COL4A1: variants seen among roughly 807,000 people sequenced by gnomAD.
COL4A1 encodes collagen alpha-1(IV) chain.
COL4A1 carries 40 observed loss-of-function variants against 216.6 expected under a neutral mutation model. The ratio of observed to expected loss-of-function variants is 0.18; its 90% CI spans 0.14 to 0.24. The LOEUF (loss-of-function observed/expected upper bound fraction) is 0.24, where lower values mean the gene tolerates loss of function less well. Ranked by LOEUF, COL4A1 falls within the 10% of genes least tolerant of loss-of-function variation. The pLI is 1.00. For missense variants in COL4A1, 1,628 were observed against 2,196.8 expected, an observed-to-expected ratio of 0.74 and a Z score of 5.18; for synonymous variants, 839 against 810.7, an observed-to-expected ratio of 1.03 and a Z score of -0.59.
chr13:110,255,499 A>G (rs190797215), intron 1 of COL4A1, among the ~76,000 whole-genome samples: 3 of 137,812 alleles, frequency 2.2e-5, no homozygotes, highest in African/African-American at 8.3e-5. Context: ...AGGTTTCCCA[A>G]TGAAAGAACG....
At chr13:110,161,428 T>C (rs1877082831) in intron 48 of COL4A1, 59 bp from the exon 49 acceptor site, 14 of 1,542,380 alleles carry the variant, frequency 9.1e-6, no homozygotes, top group Non-Finnish European at 1.1e-5. Flanking sequence ...TCTATCTCTA[T>C]GTAAAGTGGA....
chr13:110,270,404 T>A (rs913256409), intron 1 of COL4A1, among the ~76,000 whole-genome samples: 1 of 152,252 alleles, frequency 6.6e-6, no homozygotes, highest in Non-Finnish European at 1.5e-5. Flanking sequence ...GCAAGTAATT[T>A]GCCATAAAGG....
chr13:110,165,009 C>T lies in COL4A1; in HGVS notation c.4022-19G>A. On this transcript the variant is annotated intron_variant, in intron 45 of 51. Coordinates refer to ENST00000375820, the MANE Select transcript of COL4A1 (RefSeq NM_001845.6). ...GGGAGACCTGTGGGAATAGGGAAGG[C>T]ATTGATCAATTTCACTGTCCACATA... The T allele has an allele frequency of 6.3e-7, 1 of 1,599,822 alleles. No individual in the cohort carries two copies. Among genetic ancestry groups the T allele is most frequent in the Non-Finnish European group, 8.5e-7 (1 of 1,173,966 alleles).
chr13:110,233,632 G>C (rs1005363502), intron 2 of COL4A1, among the ~76,000 whole-genome samples: 1 of 152,196 alleles, frequency 6.6e-6, no homozygotes, highest in African/African-American at 2.4e-5. Context: ...ATTTGGAAAA[G>C]TTGGGGAGTT....
chr13:110,270,645 G>A (rs1342106741), intron 1 of COL4A1, among the ~76,000 whole-genome samples: 2 of 152,110 alleles, frequency 1.3e-5, no homozygotes, highest in African/African-American at 4.8e-5. Context: ...CCAGGCCAGT[G>A]TTTCCACCAC....
chr13:110,209,931 T>C, intron 10 of COL4A1, 49 bp downstream of exon 10: 1 of 1,572,570 alleles, frequency 6.4e-7, no homozygotes, highest in East Asian at 2.2e-5. Flanking sequence ...AACCTCAATA[T>C]AGTTGTTTTT....
At chr13:110,161,036 A>T in intron 49 of COL4A1, 156 bp downstream of exon 49, 2 of 841,414 alleles carry the variant, frequency 2.4e-6, no homozygotes, top group Non-Finnish European at 3.7e-6. Flanking sequence ...AATAATTTTT[A>T]TGGTAGATTT....
At chr13:110,264,753 CTCTT>C (rs1274026915) in intron 1 of COL4A1, among the ~76,000 whole-genome samples, 6 of 152,194 alleles carry the variant, frequency 3.9e-5, no homozygotes, top group Non-Finnish European at 1.5e-5. Context: ...CTTTCTCCCT[CTCTT>C]TTTCTCCTCT....
chr13:110,247,696 C>A (rs1241142258), intron 1 of COL4A1, among the ~76,000 whole-genome samples: 1 of 151,562 alleles, frequency 6.6e-6, no homozygotes, highest in Non-Finnish European at 1.5e-5. Context: ...ACAGTGAATT[C>A]CATTCCAGAG....
intron 20 of COL4A1, among the ~76,000 whole-genome samples, chr13:110,199,143 T>C (rs908171637): frequency 1.3e-5 from 2 of 152,164 alleles, no homozygotes; most frequent in Non-Finnish European, 2.9e-5. Context: ...TCAGCCACTG[T>C]AACTCTGTAA....
At chr13:110,197,266 TATC>T (rs1302654880) in intron 21 of COL4A1, among the ~76,000 whole-genome samples, 1 of 140,428 alleles carries the variant, frequency 7.1e-6, no homozygotes, top group Non-Finnish European at 1.5e-5. Flanking sequence ...TCCCTGGACT[TATC>T]ATCTCCTGCA....
At chr13:110,186,303 C>G in intron 26 of COL4A1, 82 bp downstream of exon 26, 2 of 1,572,192 alleles carry the variant, frequency 1.3e-6, no homozygotes, top group South Asian at 1.1e-5. Context: ...ATGCGAACCC[C>G]AGGCCTCTGT....
At chr13:110,222,158 T>G (rs1412257627) in intron 2 of COL4A1, among the ~76,000 whole-genome samples, 5 of 151,844 alleles carry the variant, frequency 3.3e-5, no homozygotes, top group African/African-American at 1.2e-4. Flanking sequence ...CTCAGCACAT[T>G]CGAGAGCGCT....
chr13:110,301,544 C>T (rs1884493151), intron 1 of COL4A1, among the ~76,000 whole-genome samples: 1 of 152,204 alleles, frequency 6.6e-6, no homozygotes, highest in African/African-American at 2.4e-5. Flanking sequence ...TACAATGCTA[C>T]TGAATGGCAG....
intron 25 of COL4A1, 84 bp downstream of exon 25, chr13:110,187,054 C>T (rs144081890): frequency 6.6e-6 from 10 of 1,505,186 alleles, no homozygotes; most frequent in Non-Finnish European, 9.2e-6. Flanking sequence ...AGAAATACAT[C>T]AATATGATTC....
At position 110,218,828 on chromosome 13, in the gene COL4A1, T is replaced by C. The variant is rs192539398; in HGVS notation, c.145-4813A>G. Among the ~76,000 whole-genome samples the C allele has an allele frequency of 3.1e-3, 476 of 152,288 alleles. 3 individuals carry two copies. Among genetic ancestry groups the C allele is most frequent in the African/African-American group, 0.011 (449 of 41,556 alleles). On this transcript the variant is annotated intron_variant, in intron 2 of 51. Coordinates refer to ENST00000375820, the MANE Select transcript of COL4A1 (RefSeq NM_001845.6). ...GTCATCTAGCGCCTCGAGATTTCCA[T>C]TTACGAGCAGACTGCAAATCATTCA... is the stretch of plus-strand genomic sequence containing the variant.
intron 1 of COL4A1, among the ~76,000 whole-genome samples, chr13:110,292,353 G>C (rs956475107): frequency 6.6e-6 from 1 of 152,114 alleles, no homozygotes; most frequent in African/African-American, 2.4e-5. Context: ...CATCTCAAGG[G>C]GTTCACGGGC....
chr13:110,259,768 A>C (rs1395649577), intron 1 of COL4A1, among the ~76,000 whole-genome samples: 1 of 152,250 alleles, frequency 6.6e-6, no homozygotes, highest in Non-Finnish European at 1.5e-5. Flanking sequence ...TAATGGTCAC[A>C]GAAATCAGAC....
At chr13:110,172,662 C>T in intron 41 of COL4A1, 58 bp downstream of exon 41, 1 of 1,525,168 alleles carries the variant, frequency 6.6e-7, no homozygotes, top group Non-Finnish European at 9.1e-7. Flanking sequence ...GCCCCTTGTT[C>T]TGCTAATCAG....
Sources: allele counts gnomAD v4.1 joint callset (sites outside exome capture counted in the v4.1 genomes callset), GRCh38; gene constraint gnomAD v4.1.1; transcripts MANE v1.5; gene names NCBI Gene and HGNC (gene_info 2026-07-23, HGNC 2026-07-21).